FAM193A: variants seen among roughly 807,000 people sequenced by gnomAD.
FAM193A encodes the protein family with sequence similarity 193 member A.
Under a neutral mutation model 126.5 loss-of-function variants are expected in FAM193A, and 22 were observed. The ratio of observed to expected loss-of-function variants is 0.17; its 90% confidence interval spans 0.12 to 0.25. The LOEUF (loss-of-function observed/expected upper bound fraction) is 0.25, where lower values mean the gene tolerates loss of function less well. Ranked by LOEUF, FAM193A falls within the 10% of genes least tolerant of loss-of-function variation. The probability of loss-of-function intolerance (pLI) is 1.00; values close to 1 mark genes in which losing one functional copy is unlikely to be tolerated. For synonymous variants in FAM193A, 761 were observed against 646.8 expected, an observed-to-expected ratio of 1.18 and a Z score of -2.68; for missense variants, 1,675 against 1,672.8, an observed-to-expected ratio of 1.00 and a Z score of -0.02.
chr4:2,559,270 A>AC (rs1451052798), intron 1 of FAM193A, among the ~76,000 whole-genome samples: 1 of 152,168 alleles, frequency 6.6e-6, no homozygotes, highest in African/African-American at 2.4e-5. Context: ...TATTGCCAAG[A>AC]CAGTATTTGT....
chr4:2,699,661 C>G lies in FAM193A; in HGVS notation c.3508-19C>G, dbSNP rs1654697510. 2 of 1,574,392 alleles carry G rather than the reference C, an allele frequency of 1.3e-6. No homozygotes were observed. The highest frequency in any genetic ancestry group is 8.6e-7 in the Non-Finnish European group (1 of 1,165,930). On this transcript the variant is annotated intron_variant, in intron 18 of 20. Transcript: ENST00000637812. The stretch of plus-strand genomic sequence containing the variant: ...AGCACTCACTGTAGTCTTAAATTGC[C>G]TTCTTTTTGCATTGGCAGCTGGAGG...
rs1035324366 is a variant in FAM193A at position 2,681,311 on chromosome 4, T to C, written c.2332-8195T>C. On this transcript the variant is annotated intron_variant, in intron 13 of 20. Transcript: ENST00000637812. ...ATTTTGGTTTCATTGATTTTTTTTTTCCCCTATTGTTTTTCTATTCTCTAT... is the reference window on the plus strand; with the variant it reads ...ATTTTGGTTTCATTGATTTTTTTTTCCCCCTATTGTTTTTCTATTCTCTAT... 1.1e-4 allele frequency among the ~76,000 whole-genome samples: 17 copies of C among 152,270 alleles called. 1 individual carries two copies. The highest frequency in any genetic ancestry group is 1.9e-4 in the East Asian group (1 of 5,192).
chr4:2,698,831 A>C (rs751128996), intron 18 of FAM193A, among the ~76,000 whole-genome samples: 2 of 152,220 alleles, frequency 1.3e-5, no homozygotes, highest in Non-Finnish European at 2.9e-5. Flanking sequence ...ATTTTCCATC[A>C]AGTTGGACAG....
chr4:2,541,865 C>G (rs1048748756), intron 1 of FAM193A, among the ~76,000 whole-genome samples: 1 of 151,830 alleles, frequency 6.6e-6, no homozygotes, highest in South Asian at 2.1e-4. Flanking sequence ...GAGTCTTGCT[C>G]TGTCGCCCAG....
At chr4:2,698,147 G>C (rs903928671) in intron 18 of FAM193A, among the ~76,000 whole-genome samples, 3 of 152,214 alleles carry the variant, frequency 2.0e-5, no homozygotes, top group Non-Finnish European at 4.4e-5. Context: ...GTTGTTGAAG[G>C]GACAGCAATA....
chr4:2,637,458 T>A (rs1207408319), intron 5 of FAM193A, among the ~76,000 whole-genome samples: 6 of 152,240 alleles, frequency 3.9e-5, no homozygotes, highest in Admixed American at 3.3e-4. Context: ...GAAGTCTAAA[T>A]TTTCATCGAC....
chr4:2,638,296 C>G (rs1036630991), intron 5 of FAM193A, among the ~76,000 whole-genome samples: 10 of 152,232 alleles, frequency 6.6e-5, no homozygotes, highest in Middle Eastern at 3.2e-3. Context: ...GTCTTCGTGT[C>G]CTCGTACCTG....
chr4:2,617,195 A>G (rs1414599589), intron 2 of FAM193A, among the ~76,000 whole-genome samples: 1 of 133,972 alleles, frequency 7.5e-6, no homozygotes, highest in Non-Finnish European at 1.5e-5. Context: ...AAAAAAAAAA[A>G]AAGAATATTT....
chr4:2,687,028 C>G (rs751841655), intron 13 of FAM193A, among the ~76,000 whole-genome samples: 2 of 152,090 alleles, frequency 1.3e-5, no homozygotes, highest in African/African-American at 4.8e-5. Flanking sequence ...CTGGGTGGCC[C>G]GTCTGGACCT....
At chr4:2,625,614 T>G in intron 3 of FAM193A, 1 of 388,934 alleles carries the variant, frequency 2.6e-6, no homozygotes, top group Non-Finnish European at 4.6e-6. Flanking sequence ...GAAGGAGTCC[T>G]TAAATAATCA....
intron 1 of FAM193A, among the ~76,000 whole-genome samples, chr4:2,579,397 T>C (rs1266345138): frequency 6.6e-6 from 1 of 151,866 alleles, no homozygotes; most frequent in Non-Finnish European, 1.5e-5. Flanking sequence ...AGTTACAAAG[T>C]GCAATTAAAA....
chr4:2,731,733 G>A (rs1721419057), intron 20 of FAM193A, 42 bp from the exon 21 acceptor site: 1 of 1,493,246 alleles, frequency 6.7e-7, no homozygotes, highest in African/African-American at 1.4e-5. Flanking sequence ...CTTGGTTGTG[G>A]GCTGTTTCCT....
At chr4:2,707,360 T>C (rs1718423565) in intron 19 of FAM193A, among the ~76,000 whole-genome samples, 1 of 152,206 alleles carries the variant, frequency 6.6e-6, no homozygotes, top group Admixed American at 6.5e-5. Flanking sequence ...TTGTTTTTAA[T>C]TTAAATGGGA....
chr4:2,689,542 A>G lies in FAM193A; in HGVS notation c.2368A>G (p.Lys790Glu). ...AGCACCTGTTCAGAATCACACAAAT[A>G]AGCATCAGGTATTCAATGCATCTCT... ...PPAPVQNHTN[K>E]HQVFNASLQD... Residue 790 changes from lysine (K) to glutamate (E), a missense_variant, in exon 14 of 21, where the codon AAG becomes GAG. Lys to Glu is a moderately conservative substitution (Grantham distance 56). This residue lies in a region of FAM193A where 1,186 missense variants were observed against 1,109.2 expected (regional missense o/e 1.07). Transcript: ENST00000637812. The G allele has an allele frequency of 1.3e-6, 2 of 1,548,672 alleles. No individual in the cohort carries two copies. Among genetic ancestry groups the G allele is most frequent in the Non-Finnish European group, 8.6e-7 (1 of 1,159,390 alleles).
At chr4:2,709,692 G>C (rs1019736038) in intron 19 of FAM193A, among the ~76,000 whole-genome samples, 1 of 151,976 alleles carries the variant, frequency 6.6e-6, no homozygotes, top group South Asian at 2.1e-4. Flanking sequence ...CTGGGACAGA[G>C]AGACTCCACC....
chr4:2,709,983 G>A (rs1264148183), intron 19 of FAM193A, among the ~76,000 whole-genome samples: 1 of 152,058 alleles, frequency 6.6e-6, no homozygotes, highest in Non-Finnish European at 1.5e-5. Context: ...TTGCATAGAT[G>A]TCTGCAAGGT....
intron 2 of FAM193A, among the ~76,000 whole-genome samples, chr4:2,599,144 T>G (rs1741044117): frequency 6.6e-6 from 1 of 152,192 alleles, no homozygotes; most frequent in Non-Finnish European, 1.5e-5. Context: ...AACATTCGTT[T>G]TGGGGCTTTC....
Position 2,732,105 on chromosome 4 carries a change from T to C in FAM193A, c.*237T>C, listed in dbSNP as rs998659852. The C allele has an allele frequency of 5.5e-6, 3 of 544,712 alleles. No individual in the cohort carries two copies. Among genetic ancestry groups the C allele is most frequent in the African/African-American group, 1.9e-5 (1 of 52,502 alleles). The allele number at this position is 544,712 out of a possible 1,614,324, so 33.7% of individuals were successfully genotyped here. A position where few individuals can be genotyped will look rare whatever the true frequency, so the allele number is the denominator to read the frequency against. Reference sequence around the variant, plus strand: ...GCTCTGTGCTGTCGGATTGGAACAGTAGTTCCCGCCAAGTCCTCCCACCAC... The same window carrying C: ...GCTCTGTGCTGTCGGATTGGAACAGCAGTTCCCGCCAAGTCCTCCCACCAC... On this transcript the variant is annotated 3_prime_UTR_variant, in exon 21 of 21. Coordinates refer to ENST00000637812, the MANE Select transcript of FAM193A (RefSeq NM_001366318.2).
intron 12 of FAM193A, 143 bp downstream of exon 12, chr4:2,663,431 A>G (rs914964858): frequency 5.3e-5 from 32 of 609,114 alleles, no homozygotes; most frequent in Admixed American, 7.4e-5. Context: ...CATACTTACA[A>G]TCTCCATTTG....
Sources: allele counts gnomAD v4.1 joint callset (sites outside exome capture counted in the v4.1 genomes callset), GRCh38; gene constraint gnomAD v4.1.1; regional missense constraint gnomAD v4.1.1; transcripts MANE v1.5; gene names NCBI Gene and HGNC (gene_info 2026-07-23, HGNC 2026-07-21).